The following NAA11 variants were observed in gnomAD, a reference collection of about 807,000 sequenced individuals.
NAA11 encodes the protein N-alpha-acetyltransferase 11, NatA catalytic subunit.
In NAA11, 15 loss-of-function variants were observed where a neutral mutation model predicts 16.1. That is an observed-to-expected ratio of 0.93 (90% CI 0.62 to 1.44). NAA11 has a LOEUF of 1.44. NAA11 is among the 40% of genes most tolerant of loss of function. The probability of loss-of-function intolerance (pLI) is 0.00; values close to 1 mark genes in which losing one functional copy is unlikely to be tolerated. For missense variants in NAA11, 298 were observed against 291.3 expected, an observed-to-expected ratio of 1.02 and a Z score of -0.17; for synonymous variants, 122 against 112.4, an observed-to-expected ratio of 1.09 and a Z score of -0.54.
chr4:79,189,754 G>T, the NAA11 span, among the ~76,000 whole-genome samples: 10,553 of 152,242 alleles, frequency 0.069, 1,088 homozygotes, highest in African/African-American at 0.22. Context: ...TTGTCTAAGG[G>T]TTTGTTTCTA....
At chr4:79,179,897 C>T in the NAA11 span, among the ~76,000 whole-genome samples, 3 of 152,100 alleles carry the variant, frequency 2.0e-5, no homozygotes, top group Non-Finnish European at 4.4e-5. Context: ...ACAATCATAG[C>T]GGAAGGCACA....
At chr4:79,275,405 AAG>A (rs1238276977) in intron 2 of NAA11, among the ~76,000 whole-genome samples, 1 of 152,074 alleles carries the variant, frequency 6.6e-6, no homozygotes, top group Non-Finnish European at 1.5e-5. Context: ...GGTCATAAGA[AAG>A]GGGAAAATTG....
chr4:79,166,183 T>C, the NAA11 span, among the ~76,000 whole-genome samples: 3 of 152,156 alleles, frequency 2.0e-5, no homozygotes, highest in Non-Finnish European at 4.4e-5. Context: ...AGAAAACTTA[T>C]CATCTTAACT....
chr4:79,317,854 A>T (rs1466890419), intron 1 of NAA11, 63 bp from the exon 2 acceptor site: 1 of 152,228 alleles, frequency 6.6e-6, no homozygotes, highest in African/African-American at 2.4e-5. Context: ...ACAGCTCTGA[A>T]AGAATACTGG....
At chr4:79,213,315 C>T in the NAA11 span, among the ~76,000 whole-genome samples, 1 of 151,858 alleles carries the variant, frequency 6.6e-6, no homozygotes, top group Admixed American at 6.6e-5. Flanking sequence ...GAAATGTAAG[C>T]AGTAAAAGTG....
chr4:79,189,195 G>C, the NAA11 span, among the ~76,000 whole-genome samples: 2 of 142,400 alleles, frequency 1.4e-5, no homozygotes, highest in Non-Finnish European at 3.1e-5. Context: ...ATTTCAAAGA[G>C]ACAAGAGGAG....
At chr4:79,260,738 G>A (rs1230889725) in intron 2 of NAA11, among the ~76,000 whole-genome samples, 1 of 152,158 alleles carries the variant, frequency 6.6e-6, no homozygotes, top group Non-Finnish European at 1.5e-5. Context: ...CTCTTTCTTT[G>A]ACTTTGAGGG....
Position 79,318,899 on chromosome 4 carries a change from A to T in NAA11, c.*13-1108T>A, listed in dbSNP as rs141784535. Among the ~76,000 whole-genome samples, 667 of 152,276 alleles carry T rather than the reference A, an allele frequency of 4.4e-3. 5 individuals carry two copies. The highest frequency in any genetic ancestry group is 7.7e-3 in the Non-Finnish European group (525 of 68,016). On this transcript the variant is annotated intron_variant, in intron 1 of 1. Coordinates refer to ENST00000286794, the MANE Select transcript of NAA11 (RefSeq NM_032693.3). ...AAGAGTATAGGTATTTTTCATAAAG[A>T]TTCCCTTTAAAATGTTAGTATTATA... is the stretch of plus-strand genomic sequence containing the variant.
intron 2 of NAA11, among the ~76,000 whole-genome samples, chr4:79,268,272 C>T (rs1301421419): frequency 6.6e-6 from 1 of 152,018 alleles, no homozygotes; most frequent in Admixed American, 6.5e-5. Context: ...TATTTAACAT[C>T]AATTCTGGTA....
At chr4:79,156,050 C>T in the NAA11 span, among the ~76,000 whole-genome samples, 1 of 152,178 alleles carries the variant, frequency 6.6e-6, no homozygotes, top group Non-Finnish European at 1.5e-5. Context: ...TCAGTTGGAA[C>T]CTCCAGAGTG....
the NAA11 span, among the ~76,000 whole-genome samples, chr4:79,202,623 T>TTATATATATATATCTA: frequency 1.9e-5 from 1 of 52,622 alleles, no homozygotes; most frequent in Non-Finnish European, 4.5e-5. Context: ...ATATATAGTT[T>TTATATATATATATCTA]TATATATATA....
the NAA11 span, among the ~76,000 whole-genome samples, chr4:79,194,068 A>G: frequency 6.6e-6 from 1 of 151,996 alleles, no homozygotes; most frequent in Non-Finnish European, 1.5e-5. Context: ...TTGCACATTG[A>G]TTTTGTATCC....
Position 79,252,043 on chromosome 4 carries a change from G to C in NAA11, c.*123-25773C>G, listed in dbSNP as rs961871568. Reference sequence around the variant, plus strand: ...ATGAAATGTGATTTGCAAAAACTTAGATGGAACTTGGGACCATTATTCTAA... The same window carrying C: ...ATGAAATGTGATTTGCAAAAACTTACATGGAACTTGGGACCATTATTCTAA... On this transcript the variant is annotated intron_variant and NMD_transcript_variant, in intron 2 of 2. Transcript: ENST00000511542. Among the ~76,000 whole-genome samples the C allele has an allele frequency of 2.6e-5, 4 of 152,136 alleles. No homozygotes were observed. In the East Asian group the frequency reaches 7.7e-4, roughly 29 times the overall value.
intron 2 of NAA11, among the ~76,000 whole-genome samples, chr4:79,253,448 G>A (rs990952993): frequency 6.6e-6 from 1 of 152,170 alleles, no homozygotes; most frequent in Non-Finnish European, 1.5e-5. Flanking sequence ...TGAGGGCTGA[G>A]TTCTGGAGCA....
In NAA11 at chr4:79,259,185, A is replaced by G. The variant is rs1040646896; in HGVS notation, c.*123-32915T>C. Reference sequence around the variant, plus strand: ...ACCTATAGAATGGCAGGGCTGAAAGAGCTGTGACACAAGCAGGTGAAGAGG... The same window carrying G: ...ACCTATAGAATGGCAGGGCTGAAAGGGCTGTGACACAAGCAGGTGAAGAGG... On this transcript the variant is annotated intron_variant and NMD_transcript_variant, in intron 2 of 2. Coordinates refer to the NAA11 transcript ENST00000511542. 3 of 152,794 alleles carry G rather than the reference A, an allele frequency of 2.0e-5. No individual in the cohort carries two copies. In the East Asian group the frequency reaches 5.8e-4, roughly 29 times the overall value. 9.5% of individuals were successfully genotyped at this position (152,794 alleles called of 1,614,324 possible).
chr4:79,250,584 G>C (rs1256311154), intron 2 of NAA11, among the ~76,000 whole-genome samples: 1 of 152,182 alleles, frequency 6.6e-6, no homozygotes, highest in African/African-American at 2.4e-5. Context: ...AAGATTTCAT[G>C]ATGAAGACGC....
intron 2 of NAA11, among the ~76,000 whole-genome samples, chr4:79,233,628 T>C (rs1424713315): frequency 6.6e-6 from 1 of 152,070 alleles, no homozygotes; most frequent in Non-Finnish European, 1.5e-5. Flanking sequence ...TACATGGCAA[T>C]ACTTTTCAAC....
chr4:79,231,877 A>T (rs1237377719), intron 2 of NAA11, among the ~76,000 whole-genome samples: 1 of 151,642 alleles, frequency 6.6e-6, no homozygotes, highest in Non-Finnish European at 1.5e-5. Context: ...TCTAGGACAA[A>T]TCATTCATAT....
intron 2 of NAA11, among the ~76,000 whole-genome samples, chr4:79,251,017 G>A: frequency 6.6e-6 from 1 of 152,206 alleles, no homozygotes; most frequent in East Asian, 1.9e-4. Context: ...ATACACTGCT[G>A]GTGGAAACGT....
Sources: allele counts gnomAD v4.1 joint callset (sites outside exome capture counted in the v4.1 genomes callset), GRCh38; gene constraint gnomAD v4.1.1; transcripts MANE v1.5; gene names NCBI Gene and HGNC (gene_info 2026-07-23, HGNC 2026-07-21).